Variants in CACNB2 observed in about 807,000 individuals in gnomAD.
The protein encoded by CACNB2 is voltage-dependent L-type calcium channel subunit beta-2.
In CACNB2, 42 loss-of-function variants were observed where a neutral mutation model predicts 73.3. That is an observed-to-expected ratio of 0.57 (90% confidence interval 0.45 to 0.74). The LOEUF (loss-of-function observed/expected upper bound fraction) is 0.74. Ranked by LOEUF, CACNB2 falls within the 30% of genes least tolerant of loss-of-function variation. The pLI, the probability that CACNB2 is intolerant of heterozygous loss-of-function variation, is 0.00. For synonymous variants in CACNB2, 348 were observed against 310.3 expected (o/e 1.12, Z -1.28); for missense variants, 940 against 853.0 (o/e 1.10, Z -1.27).
intron 3 of CACNB2, among the ~76,000 whole-genome samples, chr10:18,407,271 A>C (rs1184931563): frequency 2.0e-5 from 3 of 150,948 alleles, no homozygotes; most frequent in Non-Finnish European, 4.4e-5. Context: ...ACAGGCACGC[A>C]CCACCACACC....
chr10:18,239,023 A>G (rs904230645), intron 2 of CACNB2, among the ~76,000 whole-genome samples: 1 of 152,148 alleles, frequency 6.6e-6, no homozygotes, highest in African/African-American at 2.4e-5. Context: ...TGCTTTCAGG[A>G]AGATTTGAAT....
Position 18,447,492 on chromosome 10 carries a change from A to C in CACNB2, c.333+45449A>C, listed in dbSNP as rs78540941. On this transcript the variant is annotated intron_variant, in intron 3 of 13. Coordinates refer to ENST00000324631, the MANE Select transcript of CACNB2 (RefSeq NM_201596.3). ...GACAGAAGAACTGGCAAAGGCTAAG[A>C]AACAGTGGTCAGGGAGAAGGAGAAT... 4.5e-3 allele frequency among the ~76,000 whole-genome samples: 691 copies of C among 152,320 alleles called. 10 individuals are homozygous for C. The highest frequency in any genetic ancestry group is 0.015 in the African/African-American group (636 of 41,560).
intron 2 of CACNB2, among the ~76,000 whole-genome samples, chr10:18,259,346 G>A (rs2037421818): frequency 6.6e-6 from 1 of 151,802 alleles, no homozygotes; most frequent in African/African-American, 2.4e-5. Flanking sequence ...CAGGAGAATG[G>A]CCTGGAGCCA....
chr10:18,180,513 C>T (rs958680807), intron 2 of CACNB2, among the ~76,000 whole-genome samples: 2 of 151,240 alleles, frequency 1.3e-5, no homozygotes, highest in East Asian at 1.9e-4. Flanking sequence ...CCTGTTGCGT[C>T]GCAGAGGTCA....
intron 2 of CACNB2, among the ~76,000 whole-genome samples, chr10:18,217,223 C>A (rs1293874327): frequency 2.6e-5 from 4 of 152,168 alleles, no homozygotes; most frequent in African/African-American, 9.7e-5. Context: ...CTGGCTCACA[C>A]CTGTAATCCC....
At chr10:18,261,114 T>C (rs1564385028) in intron 2 of CACNB2, 8 of 1,483,658 alleles carry the variant, frequency 5.4e-6, no homozygotes, top group Middle Eastern at 2.4e-4. Context: ...CGGTGGCTTT[T>C]TTAGAAACTA....
At chr10:18,491,769 A>G (rs1451678943) in intron 3 of CACNB2, among the ~76,000 whole-genome samples, 1 of 151,156 alleles carries the variant, frequency 6.6e-6, no homozygotes, top group African/African-American at 2.4e-5. Flanking sequence ...TTTCATGGAT[A>G]AAAATTCAAT....
chr10:18,179,248 G>C (rs926303529), intron 2 of CACNB2, among the ~76,000 whole-genome samples: 4 of 152,106 alleles, frequency 2.6e-5, no homozygotes, highest in African/African-American at 9.7e-5. Flanking sequence ...GAAAAAGAAA[G>C]GGTTTATAAA....
chr10:18,534,339 T>A (rs182224364), intron 11 of CACNB2, 112 bp downstream of exon 11: 22 of 967,654 alleles, frequency 2.3e-5, no homozygotes, highest in Non-Finnish European at 3.3e-5. Flanking sequence ...TATAGAGAAT[T>A]TGAGGAGACA....
chr10:18,451,910 T>A (rs1011636406), intron 3 of CACNB2, among the ~76,000 whole-genome samples: 7 of 152,218 alleles, frequency 4.6e-5, no homozygotes, highest in Admixed American at 1.3e-4. Context: ...GTTGTCTTCA[T>A]AATCTATTGT....
intron 2 of CACNB2, among the ~76,000 whole-genome samples, chr10:18,211,557 C>G (rs780423304): frequency 6.6e-6 from 1 of 152,086 alleles, no homozygotes; most frequent in Non-Finnish European, 1.5e-5. Context: ...ATTTCTTAAA[C>G]CAGTTCTGTG....
chr10:18,228,444 A>AG (rs2036092824), intron 2 of CACNB2, among the ~76,000 whole-genome samples: 1 of 149,224 alleles, frequency 6.7e-6, no homozygotes, highest in African/African-American at 2.5e-5. Flanking sequence ...AAAAAAAAAA[A>AG]AAAAAGAAAA....
Position 18,384,563 on chromosome 10 carries a change from A to C in CACNB2, c.214-17361A>C, listed in dbSNP as rs1284602743. On this transcript the variant is annotated intron_variant, in intron 2 of 13. Transcript: ENST00000324631. ...CAACGTGGTGAAACCCTGTCTCTCCAAAAAAAGAAAAAAACAATTAGCTGG... is the reference window on the plus strand; with the variant it reads ...CAACGTGGTGAAACCCTGTCTCTCCCAAAAAAGAAAAAAACAATTAGCTGG... 4.6e-5 allele frequency among the ~76,000 whole-genome samples: 7 copies of C among 151,850 alleles called. No individual in the cohort carries two copies. The East Asian group carries it at 1.2e-3, about 25-fold the overall frequency.
intron 2 of CACNB2, among the ~76,000 whole-genome samples, chr10:18,170,790 CTT>C (rs769244256): frequency 3.3e-5 from 5 of 152,198 alleles, no homozygotes; most frequent in Non-Finnish European, 7.3e-5. Flanking sequence ...TGACAATGCT[CTT>C]TTAAGCTTGA....
intron 1 of CACNB2, among the ~76,000 whole-genome samples, chr10:18,147,125 CA>C (rs1382879991): frequency 6.6e-6 from 1 of 152,140 alleles, no homozygotes; most frequent in Non-Finnish European, 1.5e-5. Context: ...AATCATGCAG[CA>C]ATTAGATTTT....
At chr10:18,464,214 C>G (rs1363555286) in intron 3 of CACNB2, among the ~76,000 whole-genome samples, 1 of 150,820 alleles carries the variant, frequency 6.6e-6, no homozygotes, top group Non-Finnish European at 1.5e-5. Flanking sequence ...ACTCCTATCC[C>G]TCTGCATAAC....
At chr10:18,344,716 TG>T (rs1250144404) in intron 2 of CACNB2, among the ~76,000 whole-genome samples, 5 of 152,112 alleles carry the variant, frequency 3.3e-5, no homozygotes, top group African/African-American at 1.2e-4. Context: ...AGAAATTGGC[TG>T]GGGGCAGTGG....
chr10:18,537,425 T>C lies in CACNB2; in HGVS notation c.1303-755T>C, dbSNP rs1823620442. On this transcript the variant is annotated intron_variant, in intron 12 of 13. Coordinates refer to ENST00000324631, the MANE Select transcript of CACNB2 (RefSeq NM_201596.3). ...CTTCTCTACTGAACTACTGTGAAGT[T>C]TGGACAATGTCAAAATTTCACATCC... Among the ~76,000 whole-genome samples, 10 of 152,304 alleles carry C rather than the reference T, an allele frequency of 6.6e-5. No homozygotes were observed. The South Asian group carries it at 1.9e-3, about 28-fold the overall frequency.
chr10:18,201,220 A>G (rs922121533), intron 2 of CACNB2, among the ~76,000 whole-genome samples: 1 of 152,060 alleles, frequency 6.6e-6, no homozygotes, highest in African/African-American at 2.4e-5. Context: ...AGAATTTTCA[A>G]AACAGTAGTC....
Sources: allele counts gnomAD v4.1 joint callset (sites outside exome capture counted in the v4.1 genomes callset), GRCh38; gene constraint gnomAD v4.1.1; transcripts MANE v1.5; gene names NCBI Gene and HGNC (gene_info 2026-07-23, HGNC 2026-07-21).